SUFU: variants seen among roughly 807,000 people sequenced by gnomAD.
The protein encoded by SUFU is SUFU negative regulator of hedgehog signaling.
A neutral mutation model predicts 58.9 loss-of-function variants in SUFU; 7 were observed. That is an observed-to-expected ratio of 0.12 (90% CI 0.07 to 0.22). The LOEUF (loss-of-function observed/expected upper bound fraction) is 0.22, where lower values mean the gene tolerates loss of function less well. Ranked by LOEUF, SUFU falls within the 10% of genes least tolerant of loss-of-function variation. SUFU has a pLI of 1.00. For synonymous variants in SUFU, 232 were observed against 254.8 expected, an observed-to-expected ratio of 0.91 and a Z score of 0.85; for missense variants, 451 against 641.3, an observed-to-expected ratio of 0.70 and a Z score of 3.20.
rs1027742260 is a variant in SUFU at position 102,593,738 on chromosome 10, G to A, written c.683+17G>A. ...AGTGCCTATGTGAGTACCCATGCAAGGTGGGAGCGCGGCTCCCTGGGCCTG... is the reference window on the plus strand; with the variant it reads ...AGTGCCTATGTGAGTACCCATGCAAAGTGGGAGCGCGGCTCCCTGGGCCTG... On this transcript the variant is annotated intron_variant, in intron 5 of 11. Coordinates refer to ENST00000369902, the MANE Select transcript of SUFU (RefSeq NM_016169.4). 5.0e-6 allele frequency: 8 copies of A among 1,613,300 alleles called. No individual in the cohort carries two copies. Among genetic ancestry groups the A allele is most frequent in the African/African-American group, 1.3e-5 (1 of 74,924 alleles).
At chr10:102,627,319 G>A in intron 11 of SUFU, 76 bp downstream of exon 11, 1 of 1,317,160 alleles carries the variant, frequency 7.6e-7, no homozygotes, top group Non-Finnish European at 1.1e-6. Context: ...GCACGTCTGT[G>A]CATGCATGTG....
chr10:102,566,568 G>C (rs957777473), intron 3 of SUFU, among the ~76,000 whole-genome samples: 3 of 152,062 alleles, frequency 2.0e-5, no homozygotes, highest in Non-Finnish European at 4.4e-5. Flanking sequence ...TTCTAGACCA[G>C]CCTGGCCAAC....
chr10:102,586,716 A>G (rs935560021), intron 3 of SUFU, among the ~76,000 whole-genome samples: 1 of 152,262 alleles, frequency 6.6e-6, no homozygotes, highest in East Asian at 1.9e-4. Context: ...CATAAAATTT[A>G]TCATTTTAAC....
chr10:102,610,641 T>A (rs1274941317), intron 8 of SUFU, among the ~76,000 whole-genome samples: 1 of 152,242 alleles, frequency 6.6e-6, no homozygotes, highest in Non-Finnish European at 1.5e-5. Flanking sequence ...TCAGCCTGTC[T>A]GCCTAGCCCT....
In SUFU at chr10:102,619,083, G is replaced by C. The variant is rs564194467; in HGVS notation, c.1296+1655G>C. On this transcript the variant is annotated intron_variant, in intron 10 of 11. Transcript: ENST00000369902. The surrounding 1 kb of genome is among the most constrained non-coding windows in gnomAD (Gnocchi z 4.2). Reference sequence around the variant, plus strand: ...ATCCTCAGCTCTGAACCTATCCTCGGAGCTCTGCCCTCCCGTCCTGGAACG... The same window carrying C: ...ATCCTCAGCTCTGAACCTATCCTCGCAGCTCTGCCCTCCCGTCCTGGAACG... 1.2e-6 allele frequency: 2 copies of C among 1,612,736 alleles called. No individual in the cohort carries two copies. The highest frequency in any genetic ancestry group is 2.7e-5 in the African/African-American group (2 of 74,954).
At chr10:102,591,117 A>G (rs1406734114) in intron 3 of SUFU, 1 of 152,244 alleles carries the variant, frequency 6.6e-6, no homozygotes, top group African/African-American at 2.4e-5. Context: ...AGATACCTCA[A>G]CTGTTGAGAT....
At chr10:102,539,540 A>C (rs1274470126) in intron 2 of SUFU, among the ~76,000 whole-genome samples, 1 of 152,206 alleles carries the variant, frequency 6.6e-6, no homozygotes, top group East Asian at 1.9e-4. Flanking sequence ...AGGCTATGTC[A>C]GTATCTTGTT....
At chr10:102,598,157 T>TC (rs897267165) in intron 7 of SUFU, among the ~76,000 whole-genome samples, 6 of 152,212 alleles carry the variant, frequency 3.9e-5, no homozygotes, top group South Asian at 2.1e-4. Context: ...TTGAGCCCTT[T>TC]CTTTTTTTTT....
chr10:102,562,524 A>G (rs1361513138), intron 3 of SUFU, among the ~76,000 whole-genome samples: 1 of 151,844 alleles, frequency 6.6e-6, no homozygotes, highest in East Asian at 1.9e-4. Context: ...CTCTGTCTCA[A>G]AAACAACAAC....
rs17114716 is a variant in SUFU at position 102,594,344 on chromosome 10, A to G, written c.756+279A>G. Among the ~76,000 whole-genome samples, 1,342 of 152,336 alleles carry G rather than the reference A, an allele frequency of 8.8e-3. 18 individuals carry two copies. The highest frequency in any genetic ancestry group is 0.03 in the African/African-American group (1,264 of 41,560). ...GGCTTAAAAAATTAGATTGCCAGCA[A>G]TAAAAGATAAGTGTAGTGGATATTG... On this transcript the variant is annotated intron_variant, in intron 6 of 11. Transcript: ENST00000369902.
At chr10:102,602,528 T>G (rs904253473) in intron 8 of SUFU, among the ~76,000 whole-genome samples, 1 of 152,232 alleles carries the variant, frequency 6.6e-6, no homozygotes, top group Non-Finnish European at 1.5e-5. Flanking sequence ...TGAGCCTTGA[T>G]GATTCCAAAT....
At chr10:102,591,664 G>C (rs2063403532) in intron 3 of SUFU, 1 of 152,062 alleles carries the variant, frequency 6.6e-6, no homozygotes, top group Non-Finnish European at 1.5e-5. Flanking sequence ...ATATAATTAA[G>C]TGAAATCTGC....
chr10:102,506,984 C>G (rs2062335653), intron 1 of SUFU, among the ~76,000 whole-genome samples: 1 of 152,216 alleles, frequency 6.6e-6, no homozygotes, highest in Non-Finnish European at 1.5e-5. Context: ...AACTGCCCTG[C>G]AGAGAGAAGT....
At chr10:102,624,702 A>G (rs1009074299) in intron 10 of SUFU, among the ~76,000 whole-genome samples, 1 of 152,162 alleles carries the variant, frequency 6.6e-6, no homozygotes, top group African/African-American at 2.4e-5. Context: ...ACTAAAAGCC[A>G]CCATAACTCA....
At chr10:102,540,398 C>T (rs2062784835) in intron 2 of SUFU, among the ~76,000 whole-genome samples, 1 of 152,182 alleles carries the variant, frequency 6.6e-6, no homozygotes, top group Non-Finnish European at 1.5e-5. Context: ...TGCCTGTAAT[C>T]CCAGCACTTT....
chr10:102,585,864 T>C (rs971356378), intron 3 of SUFU, among the ~76,000 whole-genome samples: 1 of 150,834 alleles, frequency 6.6e-6, no homozygotes, highest in African/African-American at 2.4e-5. Context: ...GATCTTTTTA[T>C]GTGCTTATTA....
chr10:102,581,878 G>A (rs1028013652), intron 3 of SUFU, among the ~76,000 whole-genome samples: 1 of 152,134 alleles, frequency 6.6e-6, no homozygotes, highest in Non-Finnish European at 1.5e-5. Context: ...TTTTTCTTGA[G>A]AGATTATGAT....
At chr10:102,516,472 G>A (rs1272973415) in intron 2 of SUFU, among the ~76,000 whole-genome samples, 1 of 152,018 alleles carries the variant, frequency 6.6e-6, no homozygotes, top group East Asian at 1.9e-4. Context: ...TCCTTCATGG[G>A]GTAAGGGTTA....
At chr10:102,549,859 G>C (rs1005695288) in intron 2 of SUFU, 111 bp from the exon 3 acceptor site, 1 of 1,389,566 alleles carries the variant, frequency 7.2e-7, no homozygotes, top group African/African-American at 1.4e-5. Context: ...CCTCTGAATG[G>C]AGGATTTGGA....
Sources: allele counts gnomAD v4.1 joint callset (sites outside exome capture counted in the v4.1 genomes callset), GRCh38; gene constraint gnomAD v4.1.1; non-coding constraint Gnocchi (gnomAD v3.1); transcripts MANE v1.5; gene names NCBI Gene and HGNC (gene_info 2026-07-23, HGNC 2026-07-21).